Variants in ADCY2 observed in about 807,000 individuals in gnomAD.
The protein encoded by ADCY2 is adenylate cyclase type 2.
ADCY2 carries 31 observed loss-of-function variants against 125.2 expected under a neutral mutation model. The ratio of observed to expected loss-of-function variants is 0.25; its 90% CI spans 0.19 to 0.33. The LOEUF (loss-of-function observed/expected upper bound fraction) is 0.33, where lower values mean the gene tolerates loss of function less well. Among genes scored for constraint, ADCY2 ranks in the 10% least tolerant of loss-of-function variants. The pLI, the probability that ADCY2 is intolerant of heterozygous loss-of-function variation, is 1.00. For synonymous variants in ADCY2, 512 were observed against 548.4 expected (o/e 0.93, Z 0.93); for missense variants, 904 against 1,418.2 (o/e 0.64, Z 5.82).
At chr5:7,533,053 T>G (rs1183814217) in intron 3 of ADCY2, among the ~76,000 whole-genome samples, 1 of 149,670 alleles carries the variant, frequency 6.7e-6, no homozygotes, top group African/African-American at 2.4e-5. Flanking sequence ...ATTTGATATA[T>G]ATACATTTGA....
chr5:7,775,446 A>G (rs1445253141), intron 18 of ADCY2, among the ~76,000 whole-genome samples: 1 of 151,984 alleles, frequency 6.6e-6, no homozygotes, highest in East Asian at 1.9e-4. Context: ...GCTGGAGTAC[A>G]GTGGTTTGAT....
intron 3 of ADCY2, among the ~76,000 whole-genome samples, chr5:7,581,819 CAAAA>C: frequency 8.1e-6 from 1 of 123,790 alleles, no homozygotes; most frequent in Admixed American, 8.8e-5. Context: ...GACTCAGTCT[CAAAA>C]AAAAAAAAAA....
At chr5:7,598,771 C>T (rs549529711) in intron 3 of ADCY2, among the ~76,000 whole-genome samples, 5 of 152,238 alleles carry the variant, frequency 3.3e-5, no homozygotes, top group African/African-American at 4.8e-5. Context: ...TGACACCTCC[C>T]GAAAGAGCCA....
At chr5:7,444,895 T>C (rs1280707334) in intron 2 of ADCY2, among the ~76,000 whole-genome samples, 5 of 152,182 alleles carry the variant, frequency 3.3e-5, no homozygotes, top group Non-Finnish European at 7.4e-5. Context: ...CAAAGGACAT[T>C]TGAATTTTTT....
intron 3 of ADCY2, among the ~76,000 whole-genome samples, chr5:7,584,091 T>C (rs1291530235): frequency 2.6e-5 from 4 of 152,124 alleles, no homozygotes; most frequent in African/African-American, 4.8e-5. Flanking sequence ...ATTTCTTCCA[T>C]AGTGGTAATG....
chr5:7,817,459 A>G (rs1745152727), intron 23 of ADCY2, among the ~76,000 whole-genome samples: 2 of 152,216 alleles, frequency 1.3e-5, no homozygotes, highest in South Asian at 4.1e-4. Context: ...AGGTTCTGAA[A>G]CAGCGACAGC....
intron 4 of ADCY2, among the ~76,000 whole-genome samples, chr5:7,650,321 C>T (rs1273053168): frequency 6.6e-6 from 1 of 151,930 alleles, no homozygotes; most frequent in African/African-American, 2.4e-5. Flanking sequence ...GAAATGAAAA[C>T]TGTCTAGAAT....
chr5:7,830,019 G>GT lies in ADCY2; in HGVS notation c.*3149dup, dbSNP rs1391697100. 1 of 152,170 alleles carries GT rather than the reference G, an allele frequency of 6.6e-6. No homozygotes were observed. The highest frequency in any genetic ancestry group is 1.9e-4 in the East Asian group (1 of 5,196). The allele number at this position is 152,170 out of a possible 1,614,324, so 9.4% of individuals were successfully genotyped here. On this transcript the variant is annotated 3_prime_UTR_variant, in exon 25 of 25. Transcript: ENST00000338316. ...CACTTGAGCCCAGGAAGTCCAGAAC[G>GT]TAGTGAGCCTTGATTATACCACTGC...
chr5:7,567,347 A>G (rs1279963732), intron 3 of ADCY2, among the ~76,000 whole-genome samples: 1 of 147,144 alleles, frequency 6.8e-6, no homozygotes, highest in Non-Finnish European at 1.5e-5. Context: ...CTTATCTGCA[A>G]TGGATTTTAG....
At chr5:7,642,036 T>G (rs1378533637) in intron 4 of ADCY2, among the ~76,000 whole-genome samples, 8 of 152,222 alleles carry the variant, frequency 5.3e-5, no homozygotes, top group Admixed American at 2.6e-4. Flanking sequence ...TCTAGATATA[T>G]ACCCAGTAAT....
chr5:7,473,632 C>T (rs1038878497), intron 2 of ADCY2, among the ~76,000 whole-genome samples: 4 of 152,130 alleles, frequency 2.6e-5, no homozygotes, highest in Non-Finnish European at 2.9e-5. Context: ...AGATCTTCAC[C>T]TGTACCCTGG....
chr5:7,406,066 C>T (rs1364889912), intron 1 of ADCY2, among the ~76,000 whole-genome samples: 2 of 151,858 alleles, frequency 1.3e-5, no homozygotes, highest in African/African-American at 4.8e-5. Context: ...TGCCATATTG[C>T]CCAGGCTGGT....
chr5:7,459,889 C>T (rs1741854107), intron 2 of ADCY2, among the ~76,000 whole-genome samples: 1 of 144,534 alleles, frequency 6.9e-6, no homozygotes, highest in South Asian at 2.2e-4. Context: ...CGGGTTCACG[C>T]TATTCTTCTG....
chr5:7,651,301 G>T (rs1016375804), intron 4 of ADCY2, among the ~76,000 whole-genome samples: 2 of 152,214 alleles, frequency 1.3e-5, no homozygotes, highest in East Asian at 3.9e-4. Context: ...ATATATAAAG[G>T]GGAGTTTATT....
intron 2 of ADCY2, among the ~76,000 whole-genome samples, chr5:7,450,847 G>T (rs951818002): frequency 6.6e-6 from 1 of 152,128 alleles, no homozygotes; most frequent in Non-Finnish European, 1.5e-5. Context: ...CTCTATAAAT[G>T]GAACAACAAA....
intron 2 of ADCY2, among the ~76,000 whole-genome samples, chr5:7,486,955 C>T (rs1471909715): frequency 1.3e-5 from 2 of 152,134 alleles, no homozygotes; most frequent in Non-Finnish European, 2.9e-5. Flanking sequence ...GTCTCCCATG[C>T]GGTGGAAGAC....
chr5:7,448,748 C>A (rs942626329), intron 2 of ADCY2, among the ~76,000 whole-genome samples: 1 of 152,018 alleles, frequency 6.6e-6, no homozygotes, highest in African/African-American at 2.4e-5. Context: ...TTTCTGTTCC[C>A]GAGTTTGCTG....
At chr5:7,696,588 A>G (rs1370112699) in intron 6 of ADCY2, among the ~76,000 whole-genome samples, 1 of 152,186 alleles carries the variant, frequency 6.6e-6, no homozygotes, top group African/African-American at 2.4e-5. Flanking sequence ...CTCTCTTTGA[A>G]TTGTTCCCAG....
chr5:7,414,036 G>C (rs1311729283), intron 1 of ADCY2, among the ~76,000 whole-genome samples: 1 of 152,052 alleles, frequency 6.6e-6, no homozygotes, highest in Non-Finnish European at 1.5e-5. Context: ...GCTCCCTCAC[G>C]TTCCATATTC....
Sources: gnomAD v4.1 joint callset for allele counts (sites outside exome capture counted in the v4.1 genomes callset) on GRCh38, gnomAD v4.1.1 for gene constraint, MANE v1.5 for transcripts, NCBI Gene and HGNC (gene_info 2026-07-23, HGNC 2026-07-21) for gene names.